BCKDHB: variants seen among roughly 807,000 people sequenced by gnomAD.
BCKDHB encodes the protein branched chain keto acid dehydrogenase E1 subunit beta, also known as 2-oxoisovalerate dehydrogenase subunit beta, mitochondrial.
A neutral mutation model predicts 48.5 loss-of-function variants in BCKDHB; 41 were observed. The observed-to-expected ratio is 0.85, with a 90% CI of 0.66 to 1.10. The LOEUF (loss-of-function observed/expected upper bound fraction) is 1.10. BCKDHB is among the 50% of genes least tolerant of loss of function. The pLI is 0.00. For missense variants in BCKDHB, 496 were observed against 494.2 expected, an observed-to-expected ratio of 1.00 and a Z score of -0.03; for synonymous variants, 201 against 174.8, an observed-to-expected ratio of 1.15 and a Z score of -1.18.
intron 9 of BCKDHB, among the ~76,000 whole-genome samples, chr6:80,287,408 C>G (rs903018033): frequency 4.4e-5 from 6 of 137,470 alleles, no homozygotes; most frequent in Admixed American, 2.2e-4. Flanking sequence ...ATTTAGGCCT[C>G]TTAATGTCTG....
intron 3 of BCKDHB, among the ~76,000 whole-genome samples, chr6:80,156,308 AAG>A (rs1772043790): frequency 6.6e-6 from 1 of 151,924 alleles, no homozygotes; most frequent in Non-Finnish European, 1.5e-5. Flanking sequence ...TGGTAATGTG[AAG>A]GCCAACTACT....
At chr6:80,408,827 T>G in the BCKDHB span, among the ~76,000 whole-genome samples, 1 of 150,072 alleles carries the variant, frequency 6.7e-6, no homozygotes, top group Middle Eastern at 3.2e-3. Context: ...AAACAGCTCC[T>G]GGATTCATTG....
chr6:80,397,556 C>A, the BCKDHB span, among the ~76,000 whole-genome samples: 1 of 152,134 alleles, frequency 6.6e-6, no homozygotes, highest in African/African-American at 2.4e-5. Context: ...ATGTTACTTT[C>A]TGCTTTTTAA....
intron 9 of BCKDHB, among the ~76,000 whole-genome samples, chr6:80,293,410 G>A (rs1767043562): frequency 6.6e-6 from 1 of 152,194 alleles, no homozygotes; most frequent in Non-Finnish European, 1.5e-5. Flanking sequence ...AGCCCAAGCT[G>A]TGCCTTGGCC....
chr6:80,227,623 A>G (rs1422183768), intron 8 of BCKDHB, among the ~76,000 whole-genome samples: 1 of 152,148 alleles, frequency 6.6e-6, no homozygotes, highest in Non-Finnish European at 1.5e-5. Flanking sequence ...TGAGTGCCCT[A>G]TAAATCTGTA....
At chr6:80,394,335 T>C in the BCKDHB span, among the ~76,000 whole-genome samples, 1 of 152,174 alleles carries the variant, frequency 6.6e-6, no homozygotes, top group Non-Finnish European at 1.5e-5. Flanking sequence ...ATCTTTAATA[T>C]CCAAAAGCTT....
chr6:80,456,707 T>C, the BCKDHB span, among the ~76,000 whole-genome samples: 6 of 152,326 alleles, frequency 3.9e-5, no homozygotes, highest in South Asian at 1.2e-3. Flanking sequence ...TGGGTACTTG[T>C]TGAAAGTGCA....
chr6:80,221,105 A>G (rs563888332), intron 8 of BCKDHB, among the ~76,000 whole-genome samples: 8 of 152,124 alleles, frequency 5.3e-5, no homozygotes, highest in Admixed American at 1.3e-4. Flanking sequence ...AATTGATACA[A>G]CTGTGTTATT....
At chr6:80,277,060 A>C (rs1046802971) in intron 9 of BCKDHB, among the ~76,000 whole-genome samples, 1 of 152,032 alleles carries the variant, frequency 6.6e-6, no homozygotes, top group African/African-American at 2.4e-5. Flanking sequence ...TTCTCACTTT[A>C]GGGTATGGGA....
chr6:80,417,866 G>A, the BCKDHB span, among the ~76,000 whole-genome samples: 2 of 152,032 alleles, frequency 1.3e-5, no homozygotes, highest in South Asian at 4.2e-4. Flanking sequence ...TTCTGAATTT[G>A]AATGTTGGCC....
chr6:80,427,320 T>C, the BCKDHB span, among the ~76,000 whole-genome samples: 2 of 152,084 alleles, frequency 1.3e-5, no homozygotes, highest in Non-Finnish European at 2.9e-5. Flanking sequence ...CTTCCAACAA[T>C]AATACTATAA....
At chr6:80,221,045 A>G (rs1354364901) in intron 8 of BCKDHB, among the ~76,000 whole-genome samples, 2 of 151,956 alleles carry the variant, frequency 1.3e-5, no homozygotes, top group African/African-American at 4.8e-5. Context: ...TTGCCTGATT[A>G]TCTCTGGCAT....
chr6:80,402,219 T>C, the BCKDHB span, among the ~76,000 whole-genome samples: 14 of 151,996 alleles, frequency 9.2e-5, no homozygotes, highest in East Asian at 2.5e-3. Flanking sequence ...CTTATAACAA[T>C]TTACATTCCT....
chr6:80,424,123 C>G, the BCKDHB span, among the ~76,000 whole-genome samples: 1 of 152,204 alleles, frequency 6.6e-6, no homozygotes, highest in South Asian at 2.1e-4. Context: ...AATACTAAAT[C>G]CTCCCAGATT....
In BCKDHB at chr6:80,178,063, A is replaced by G. The variant is rs547172090; in HGVS notation, c.742+6673A>G. 9.9e-5 allele frequency among the ~76,000 whole-genome samples: 15 copies of G among 152,224 alleles called. No individual in the cohort carries two copies. The South Asian group carries it at 1.0e-3, about 11-fold the overall frequency. Reference sequence around the variant, plus strand: ...ATGCTTACTGCCCTTATCTTACCCAATGTGGTTCTGAAGGGGCTGACAGTC... The same window carrying G: ...ATGCTTACTGCCCTTATCTTACCCAGTGTGGTTCTGAAGGGGCTGACAGTC... On this transcript the variant is annotated intron_variant, in intron 6 of 9. Transcript: ENST00000320393.
At chr6:80,333,085 A>G (rs1320998570) in intron 9 of BCKDHB, among the ~76,000 whole-genome samples, 1 of 152,202 alleles carries the variant, frequency 6.6e-6, no homozygotes, top group Non-Finnish European at 1.5e-5. Context: ...CTTGACATAA[A>G]CATGCAGATA....
At chr6:80,271,779 C>G (rs1242525703) in intron 8 of BCKDHB, among the ~76,000 whole-genome samples, 1 of 150,966 alleles carries the variant, frequency 6.6e-6, no homozygotes, top group Non-Finnish European at 1.5e-5. Context: ...TGCCACTGCA[C>G]TCCAGCCTGA....
chr6:80,336,118 A>T (rs900856036), intron 9 of BCKDHB, among the ~76,000 whole-genome samples: 5 of 151,952 alleles, frequency 3.3e-5, no homozygotes, highest in Admixed American at 6.6e-5. Flanking sequence ...TCATATTCTT[A>T]AAATTGTTAT....
chr6:80,204,256 A>G (rs555205357), intron 8 of BCKDHB, among the ~76,000 whole-genome samples: 2 of 152,238 alleles, frequency 1.3e-5, no homozygotes, highest in East Asian at 1.9e-4. Flanking sequence ...ATAATTTAGT[A>G]GAAGATGTAA....
Sources: gnomAD v4.1 joint callset for allele counts (sites outside exome capture counted in the v4.1 genomes callset) on GRCh38, gnomAD v4.1.1 for gene constraint, MANE v1.5 for transcripts, NCBI Gene and HGNC (gene_info 2026-07-23, HGNC 2026-07-21) for gene names.